PCF11: variants seen among roughly 807,000 people sequenced by gnomAD.
The protein encoded by PCF11 is pre-mRNA cleavage complex 2 protein Pcf11.
In PCF11, 19 loss-of-function variants were observed where a neutral mutation model predicts 166.1. The ratio of observed to expected loss-of-function variants is 0.11; its 90% CI spans 0.08 to 0.17. The LOEUF is 0.17. Ranked by LOEUF, PCF11 falls within the 10% of genes least tolerant of loss-of-function variation. PCF11 has a pLI of 1.00. For missense variants in PCF11, 1,565 were observed against 1,855.5 expected (o/e 0.84, Z 2.88); for synonymous variants, 663 against 644.1 (o/e 1.03, Z -0.44).
chr11:83,162,241 G>A (rs1860284617), intron 2 of PCF11, among the ~76,000 whole-genome samples: 1 of 152,174 alleles, frequency 6.6e-6, no homozygotes, highest in Non-Finnish European at 1.5e-5. Context: ...GTTTCCTAAC[G>A]TCAATATTTG....
At chr11:83,157,667 A>G in intron 1 of PCF11, 36 bp downstream of exon 1, 2 of 1,567,066 alleles carry the variant, frequency 1.3e-6, no homozygotes, top group Non-Finnish European at 1.8e-6. Flanking sequence ...ATTACTTCTA[A>G]TACTCCCTGA....
At chr11:83,183,551 C>T (rs189336228) in intron 15 of PCF11, among the ~76,000 whole-genome samples, 9 of 152,106 alleles carry the variant, frequency 5.9e-5, no homozygotes, top group Non-Finnish European at 2.9e-5. Context: ...AGTGCAATGG[C>T]GCAATCTCGG....
At chr11:83,168,263 G>T (rs930374463) in intron 7 of PCF11, among the ~76,000 whole-genome samples, 165 bp from the exon 8 acceptor site, 1 of 152,104 alleles carries the variant, frequency 6.6e-6, no homozygotes, top group African/African-American at 2.4e-5. Context: ...TGTTACTCAG[G>T]TGTGTCTGAC....
intron 1 of PCF11, among the ~76,000 whole-genome samples, chr11:83,160,792 C>T (rs1860218423): frequency 6.6e-6 from 1 of 152,106 alleles, no homozygotes; most frequent in Admixed American, 6.6e-5. Flanking sequence ...CCATTGACTT[C>T]CTAGGTGAAG....
chr11:83,163,964 C>T (rs191275775), intron 3 of PCF11, 97 bp downstream of exon 3: 56 of 592,700 alleles, frequency 9.4e-5, no homozygotes, highest in South Asian at 1.9e-4. Flanking sequence ...ATAGAATACT[C>T]GGTAGTGAAT....
chr11:83,170,871 CCTT>C (rs749726278), intron 8 of PCF11, among the ~76,000 whole-genome samples: 8 of 152,166 alleles, frequency 5.3e-5, no homozygotes, highest in Middle Eastern at 3.2e-3. Flanking sequence ...AGAAAGTAGT[CCTT>C]CTGTTCATCT....
chr11:83,177,084 G>A lies in PCF11; in HGVS notation c.3758-1G>A. On this transcript the variant is annotated splice_acceptor_variant, in intron 9 of 15. Coordinates refer to ENST00000298281, the Ensembl canonical transcript of PCF11. LOFTEE classifies it high-confidence loss of function. ...TTTTCTTTCTTTCTTTTTTTTGTTA[G>A]GAGCCCTCCCTAAGGCATATCCTGA... The A allele has an allele frequency of 6.8e-7, 1 of 1,465,438 alleles. No homozygotes were observed. Among genetic ancestry groups the A allele is most frequent in the Non-Finnish European group, 9.0e-7 (1 of 1,107,558 alleles). 90.8% of individuals were successfully genotyped at this position (1,465,438 alleles called of 1,614,324 possible).
exon 5 of PCF11, chr11:83,166,085 T>C (rs751443724): frequency 1.2e-6 from 2 of 1,610,548 alleles, no homozygotes; most frequent in Non-Finnish European, 1.7e-6. Context: ...GGTTGTCTGA[T>C]ATGAACAAGA....
chr11:83,186,808 A>C (rs1220651454), exon 16 of PCF11: 1 of 152,228 alleles, frequency 6.6e-6, no homozygotes, highest in East Asian at 1.9e-4. Context: ...GAGGTCTGTG[A>C]ATCCAAAAAT....
intron 2 of PCF11, among the ~76,000 whole-genome samples, chr11:83,162,285 T>G (rs1860286442): frequency 6.6e-6 from 1 of 152,252 alleles, no homozygotes; most frequent in African/African-American, 2.4e-5. Flanking sequence ...GATGAACACC[T>G]GTGTGTCAGT....
chr11:83,174,364 G>T (rs1453138086), intron 9 of PCF11, among the ~76,000 whole-genome samples: 3 of 149,864 alleles, frequency 2.0e-5, no homozygotes, highest in East Asian at 3.9e-4. Context: ...ATCCTTCAAA[G>T]ACCTTTATTT....
At chr11:83,187,074 AG>A (rs1861317657) in exon 16 of PCF11, 1 of 152,190 alleles carries the variant, frequency 6.6e-6, no homozygotes, top group African/African-American at 2.4e-5. Flanking sequence ...TATGTTGCTC[AG>A]GCTGGATCAG....
intron 1 of PCF11, among the ~76,000 whole-genome samples, chr11:83,159,511 A>T (rs180997351): frequency 1.1e-3 from 172 of 152,326 alleles, no homozygotes; most frequent in Non-Finnish European, 1.6e-3. Context: ...TAAATGCTGA[A>T]TATAGTGACC....
At chr11:83,177,266 G>T in intron 10 of PCF11, 62 bp downstream of exon 10, 1 of 1,225,674 alleles carries the variant, frequency 8.2e-7, no homozygotes. Flanking sequence ...GATGTATGAT[G>T]TAATATAATG....
exon 8 of PCF11, chr11:83,169,363 G>A (rs1315848927): frequency 1.2e-6 from 2 of 1,613,796 alleles, no homozygotes; most frequent in South Asian, 2.2e-5. Flanking sequence ...GAGGTTTGAG[G>A]GTCCTTCTGT....
At chr11:83,163,389 A>G (rs1194315507) in intron 2 of PCF11, among the ~76,000 whole-genome samples, 1 of 151,702 alleles carries the variant, frequency 6.6e-6, no homozygotes, top group Non-Finnish European at 1.5e-5. Context: ...TTTTTCCCAG[A>G]GAAAGAGTAA....
intron 12 of PCF11, among the ~76,000 whole-genome samples, chr11:83,181,638 G>A (rs1165080727): frequency 3.3e-5 from 5 of 149,848 alleles, no homozygotes; most frequent in Non-Finnish European, 7.4e-5. Flanking sequence ...TGTCTTTTTT[G>A]AATTAGTAGT....
At chr11:83,169,259 A>C (rs1402526879) in exon 8 of PCF11, 2 of 1,613,504 alleles carry the variant, frequency 1.2e-6, no homozygotes, top group African/African-American at 2.7e-5. Flanking sequence ...CAACATAATC[A>C]ACTTGGTGGG....
At chr11:83,185,502 G>A (rs917484796) in exon 16 of PCF11, 1 of 152,386 alleles carries the variant, frequency 6.6e-6, no homozygotes, top group Non-Finnish European at 1.5e-5. Flanking sequence ...CCATCCAGAT[G>A]TTCACTTTTG....
Sources: allele counts gnomAD v4.1 joint callset (sites outside exome capture counted in the v4.1 genomes callset), GRCh38; gene constraint gnomAD v4.1.1; transcripts MANE v1.5; gene names NCBI Gene and HGNC (gene_info 2026-07-23, HGNC 2026-07-21).